Variants in AGBL4 observed in about 807,000 individuals in gnomAD.
AGBL4 encodes cytosolic carboxypeptidase 6.
AGBL4 carries 58 observed loss-of-function variants against 66.4 expected under a neutral mutation model. The ratio of observed to expected loss-of-function variants is 0.87; its 90% CI spans 0.71 to 1.09. AGBL4 has a LOEUF of 1.09. AGBL4 is among the 50% of genes least tolerant of loss of function. AGBL4 has a pLI of 0.00. For missense variants in AGBL4, 579 were observed against 631.0 expected, an observed-to-expected ratio of 0.92 and a Z score of 0.88; for synonymous variants, 234 against 222.9, an observed-to-expected ratio of 1.05 and a Z score of -0.44.
intron 6 of AGBL4, among the ~76,000 whole-genome samples, chr1:48,796,146 C>A (rs1390083763): frequency 6.6e-6 from 1 of 152,166 alleles, no homozygotes; most frequent in Non-Finnish European, 1.5e-5. Context: ...TTCATTTGTC[C>A]AATTACTATT....
At chr1:48,623,409 C>T (rs1645448220) in intron 9 of AGBL4, among the ~76,000 whole-genome samples, 1 of 152,178 alleles carries the variant, frequency 6.6e-6, no homozygotes, top group Non-Finnish European at 1.5e-5. Flanking sequence ...GGCATTAGGA[C>T]TTAAAGAAAA....
rs1407228457 is a variant in AGBL4, at chr1:49,688,136, T to C, written c.282+9177A>G. Among the ~76,000 whole-genome samples the C allele has an allele frequency of 2.6e-5, 4 of 152,196 alleles. No individual in the cohort carries two copies. The East Asian group carries it at 5.8e-4, about 22-fold the overall frequency. On this transcript the variant is annotated intron_variant, in intron 3 of 13. Coordinates refer to ENST00000371839, the MANE Select transcript of AGBL4 (RefSeq NM_032785.4). ...ATTATTATTGACTATAGCCAATCTG[T>C]TGTGCTAGCAAATACTAGGTCTTAT...
chr1:49,820,477 T>G (rs1289723596), intron 2 of AGBL4, among the ~76,000 whole-genome samples: 1 of 152,138 alleles, frequency 6.6e-6, no homozygotes, highest in African/African-American at 2.4e-5. Flanking sequence ...CCTTTCTCCA[T>G]CAACTGTGAG....
chr1:49,472,076 C>T (rs1274991432), intron 3 of AGBL4: 1 of 152,030 alleles, frequency 6.6e-6, no homozygotes, highest in Non-Finnish European at 1.5e-5. Flanking sequence ...TACCACAGCC[C>T]AGAACCCTGC....
At chr1:49,679,995 T>G (rs192122261) in intron 3 of AGBL4, among the ~76,000 whole-genome samples, 1 of 149,704 alleles carries the variant, frequency 6.7e-6, no homozygotes, top group Non-Finnish European at 1.5e-5. Flanking sequence ...ATATTTTCTG[T>G]TTTTTTTTAA....
chr1:49,147,946 G>A (rs1162917699), intron 4 of AGBL4, among the ~76,000 whole-genome samples: 1 of 152,112 alleles, frequency 6.6e-6, no homozygotes, highest in Admixed American at 6.5e-5. Context: ...GTCCAAAGCA[G>A]GGATCTTTCT....
intron 6 of AGBL4, among the ~76,000 whole-genome samples, chr1:48,743,534 T>C (rs1211093469): frequency 3.3e-5 from 5 of 152,178 alleles, no homozygotes; most frequent in South Asian, 2.1e-4. Flanking sequence ...GCCAAATGAC[T>C]TGATTAACTT....
At chr1:49,309,585 A>G in intron 3 of AGBL4, among the ~76,000 whole-genome samples, 1 of 151,860 alleles carries the variant, frequency 6.6e-6, no homozygotes, top group Admixed American at 6.6e-5. Flanking sequence ...TACTTAATCC[A>G]TGTTTTAATG....
intron 3 of AGBL4, among the ~76,000 whole-genome samples, chr1:49,477,186 G>C (rs2148720743): frequency 6.6e-6 from 1 of 152,212 alleles, no homozygotes; most frequent in East Asian, 1.9e-4. Context: ...AGCTTCACTA[G>C]CTGCTAATTG....
intron 3 of AGBL4, among the ~76,000 whole-genome samples, chr1:49,518,172 G>C (rs1425227100): frequency 6.6e-6 from 1 of 152,024 alleles, no homozygotes; most frequent in East Asian, 1.9e-4. Flanking sequence ...ATGTTCAGGG[G>C]GGCTGTGTAG....
At chr1:49,995,498 C>A (rs1012243472) in intron 1 of AGBL4, 17 of 342,770 alleles carry the variant, frequency 5.0e-5, no homozygotes, top group Non-Finnish European at 9.2e-5. Context: ...GCAGGCCCTG[C>A]CCAAGAAGAG....
intron 5 of AGBL4, among the ~76,000 whole-genome samples, chr1:48,947,005 T>C (rs1656569754): frequency 6.6e-6 from 1 of 152,228 alleles, no homozygotes; most frequent in South Asian, 2.1e-4. Context: ...GAATACAGTT[T>C]GTCACTGGCC....
chr1:49,149,299 A>T (rs1242467474), intron 4 of AGBL4, among the ~76,000 whole-genome samples: 1 of 152,158 alleles, frequency 6.6e-6, no homozygotes, highest in African/African-American at 2.4e-5. Flanking sequence ...AGCCTTTCTC[A>T]TTGTCTCCAA....
At chr1:48,972,858 C>T (rs1386230090) in intron 5 of AGBL4, among the ~76,000 whole-genome samples, 1 of 152,172 alleles carries the variant, frequency 6.6e-6, no homozygotes, top group Non-Finnish European at 1.5e-5. Flanking sequence ...GTGGCACCCA[C>T]TGTTTGTTAC....
At chr1:49,477,002 C>A (rs1168021686) in intron 3 of AGBL4, among the ~76,000 whole-genome samples, 1 of 152,014 alleles carries the variant, frequency 6.6e-6, no homozygotes, top group Non-Finnish European at 1.5e-5. Flanking sequence ...GGGGAGGAAA[C>A]AATGGGAAGG....
intron 3 of AGBL4, among the ~76,000 whole-genome samples, chr1:49,601,883 A>G (rs908830342): frequency 6.6e-6 from 1 of 152,244 alleles, no homozygotes; most frequent in Non-Finnish European, 1.5e-5. Context: ...GCTTCTGCAC[A>G]GCAAAAGAAA....
intron 4 of AGBL4, among the ~76,000 whole-genome samples, chr1:49,180,022 C>T (rs1646902013): frequency 6.6e-6 from 1 of 152,116 alleles, no homozygotes; most frequent in Non-Finnish European, 1.5e-5. Flanking sequence ...CTGCCTCAGC[C>T]TCCCGAGTAG....
chr1:49,615,953 C>G (rs1645242312), intron 3 of AGBL4, among the ~76,000 whole-genome samples: 1 of 152,082 alleles, frequency 6.6e-6, no homozygotes, highest in Non-Finnish European at 1.5e-5. Flanking sequence ...TTCACTGTAG[C>G]CTATTCCTCA....
At chr1:49,120,687 G>A (rs1645634454) in intron 4 of AGBL4, among the ~76,000 whole-genome samples, 1 of 151,934 alleles carries the variant, frequency 6.6e-6, no homozygotes, top group Non-Finnish European at 1.5e-5. Flanking sequence ...TGTGTCTTGG[G>A]GTTGCTCTTC....
Sources: gnomAD v4.1 joint callset for allele counts (sites outside exome capture counted in the v4.1 genomes callset) on GRCh38, gnomAD v4.1.1 for gene constraint, MANE v1.5 for transcripts, NCBI Gene and HGNC (gene_info 2026-07-23, HGNC 2026-07-21) for gene names.